Variants in LINGO2 observed in about 807,000 individuals in gnomAD.
LINGO2 encodes the protein leucine rich repeat and Ig domain containing 2.
A neutral mutation model predicts 30.6 loss-of-function variants in LINGO2; 14 were observed. That is an observed-to-expected ratio of 0.46 (90% CI 0.30 to 0.72). The LOEUF (loss-of-function observed/expected upper bound fraction) is 0.72, where lower values mean the gene tolerates loss of function less well. Among genes scored for constraint, LINGO2 ranks in the 30% least tolerant of loss-of-function variants. LINGO2 has a pLI of 0.07. For missense variants in LINGO2, 729 were observed against 751.7 expected (o/e 0.97, Z 0.35); for synonymous variants, 317 against 288.5 (o/e 1.10, Z -1.00).
At chr9:29,028,427 G>GGGGGGT in the LINGO2 span, among the ~76,000 whole-genome samples, 597 of 123,888 alleles carry the variant, frequency 4.8e-3, 22 homozygotes, top group African/African-American at 0.018. Context: ...TGTGGGGGGG[G>GGGGGGT]GTGAGAGAGA....
At chr9:28,411,260 T>C (rs1331516535) in intron 2 of LINGO2, among the ~76,000 whole-genome samples, 1 of 152,090 alleles carries the variant, frequency 6.6e-6, no homozygotes, top group Admixed American at 6.6e-5. Context: ...CTCCTTTTTT[T>C]TAGGATCTAT....
At chr9:29,074,730 G>A in the LINGO2 span, among the ~76,000 whole-genome samples, 3 of 135,588 alleles carry the variant, frequency 2.2e-5, no homozygotes, top group East Asian at 6.6e-4. Flanking sequence ...CTCTCGCCCA[G>A]GCTGGAGGGC....
chr9:28,229,378 G>A, intron 4 of LINGO2, among the ~76,000 whole-genome samples: 1 of 151,226 alleles, frequency 6.6e-6, no homozygotes, highest in Non-Finnish European at 1.5e-5. Context: ...AACTGTAGAA[G>A]AAAAAAATAA....
the LINGO2 span, among the ~76,000 whole-genome samples, chr9:29,046,224 C>T: frequency 6.6e-6 from 1 of 152,170 alleles, no homozygotes; most frequent in Non-Finnish European, 1.5e-5. Flanking sequence ...TTCAAGGGAA[C>T]TGCTTCCAGC....
At chr9:28,118,989 T>C (rs1827015184) in intron 4 of LINGO2, among the ~76,000 whole-genome samples, 1 of 152,214 alleles carries the variant, frequency 6.6e-6, no homozygotes, top group Non-Finnish European at 1.5e-5. Context: ...CTGTGGTCCC[T>C]GGATCATTGC....
At chr9:29,111,937 A>ACATATATTTATATAT in the LINGO2 span, among the ~76,000 whole-genome samples, 1 of 149,256 alleles carries the variant, frequency 6.7e-6, no homozygotes, top group Admixed American at 6.7e-5. Flanking sequence ...GTGTATATAT[A>ACATATATTTATATAT]ATGTATTTAA....
intron 4 of LINGO2, among the ~76,000 whole-genome samples, chr9:28,141,689 G>A (rs1827676519): frequency 6.6e-6 from 1 of 152,096 alleles, no homozygotes; most frequent in South Asian, 2.1e-4. Flanking sequence ...GGCTGAGGCG[G>A]GCGGATCACG....
intron 2 of LINGO2, among the ~76,000 whole-genome samples, chr9:28,401,843 T>C (rs1822281451): frequency 1.3e-5 from 2 of 152,310 alleles, no homozygotes; most frequent in South Asian, 2.1e-4. Context: ...TGGCATGAGA[T>C]GGTATCTCAC....
the LINGO2 span, among the ~76,000 whole-genome samples, chr9:29,177,320 T>C: frequency 1.3e-5 from 2 of 152,236 alleles, no homozygotes; most frequent in Non-Finnish European, 2.9e-5. Flanking sequence ...ATTTATAGTT[T>C]GTCCCATTTT....
the LINGO2 span, among the ~76,000 whole-genome samples, chr9:28,742,202 A>G: frequency 4.3e-3 from 643 of 150,810 alleles, 5 homozygotes; most frequent in Non-Finnish European, 6.8e-3. Context: ...ACCTCTTTTC[A>G]TGCTGTCCTG....
At chr9:29,198,732 AGACTAAAGAG>A in the LINGO2 span, among the ~76,000 whole-genome samples, 5 of 152,152 alleles carry the variant, frequency 3.3e-5, no homozygotes, top group African/African-American at 9.6e-5. Context: ...TGTTTCCTGA[AGACTAAAGAG>A]GGCAACTAAG....
intron 2 of LINGO2, among the ~76,000 whole-genome samples, chr9:28,467,918 A>G (rs542140584): frequency 1.6e-4 from 25 of 152,284 alleles, no homozygotes; most frequent in Middle Eastern, 3.4e-3. Flanking sequence ...ATTATTTCCA[A>G]TGCTGAAATC....
At chr9:28,754,083 T>C in the LINGO2 span, among the ~76,000 whole-genome samples, 1 of 151,592 alleles carries the variant, frequency 6.6e-6, no homozygotes, top group South Asian at 2.1e-4. Context: ...TAAAGCTAGG[T>C]ATCTACATTT....
At chr9:28,771,452 G>GGTGTGTGTGT in the LINGO2 span, among the ~76,000 whole-genome samples, 1 of 120,288 alleles carries the variant, frequency 8.3e-6, no homozygotes, top group Non-Finnish European at 1.8e-5. Context: ...TTTCCTATTT[G>GGTGTGTGTGT]GTGTGTGTGT....
intron 1 of LINGO2, among the ~76,000 whole-genome samples, chr9:28,631,618 T>A (rs915362612): frequency 6.6e-6 from 1 of 152,096 alleles, no homozygotes; most frequent in Non-Finnish European, 1.5e-5. Flanking sequence ...GGAAAGTGTA[T>A]GAAACTTTAA....
chr9:27,945,045 G>A (rs551161205), downstream of LINGO2, among the ~76,000 whole-genome samples: 4 of 152,224 alleles, frequency 2.6e-5, no homozygotes, highest in Admixed American at 6.5e-5. Flanking sequence ...AGACTTCTAA[G>A]CTGAAAATTA....
At chr9:28,604,524 G>T in intron 1 of LINGO2, among the ~76,000 whole-genome samples, 1 of 151,982 alleles carries the variant, frequency 6.6e-6, no homozygotes, top group East Asian at 1.9e-4. Context: ...AATTATAAAA[G>T]ACACCACGGT....
chr9:27,985,393 T>A lies in LINGO2; in HGVS notation c.-36+26962A>T, dbSNP rs187035426. Among the ~76,000 whole-genome samples the A allele has an allele frequency of 4.1e-3, 622 of 152,018 alleles. 2 individuals are homozygous for A. Among genetic ancestry groups the A allele is most frequent in the African/African-American group, 0.014 (592 of 41,518 alleles). Reference sequence around the variant, plus strand: ...CATAAAAGGTTAGGATATCCCCGATTTTCTCCTCTTGTTTTCATATTCAGT... The same window carrying A: ...CATAAAAGGTTAGGATATCCCCGATATTCTCCTCTTGTTTTCATATTCAGT... On this transcript the variant is annotated intron_variant, in intron 5 of 5. Transcript: ENST00000379992.
chr9:29,079,728 T>G, the LINGO2 span, among the ~76,000 whole-genome samples: 1 of 151,974 alleles, frequency 6.6e-6, no homozygotes, highest in African/African-American at 2.4e-5. Context: ...AAAGTATGCC[T>G]ACCAAAATGA....
Sources: gnomAD v4.1 joint callset for allele counts (sites outside exome capture counted in the v4.1 genomes callset) on GRCh38, gnomAD v4.1.1 for gene constraint, MANE v1.5 for transcripts, NCBI Gene and HGNC (gene_info 2026-07-23, HGNC 2026-07-21) for gene names.